The following CBLB variants were observed in gnomAD, a reference collection of about 807,000 sequenced individuals.
The protein encoded by CBLB is Cbl proto-oncogene B, also known as E3 ubiquitin-protein ligase CBL-B.
A neutral mutation model predicts 104.9 loss-of-function variants in CBLB; 31 were observed. That is an observed-to-expected ratio of 0.30 (90% confidence interval 0.22 to 0.40). CBLB has a LOEUF of 0.40. Ranked by LOEUF, CBLB falls within the 10% of genes least tolerant of loss-of-function variation. CBLB has a pLI of 1.00. For missense variants in CBLB, 1,062 were observed against 1,214.6 expected (o/e 0.87, Z 1.87); for synonymous variants, 440 against 422.6 (o/e 1.04, Z -0.51).
Position 105,720,170 on chromosome 3 carries a change from T to C in CBLB, c.1284A>G (p.Pro428=), listed in dbSNP as rs1200807661. The change falls in exon 10 of 19, where the codon CCA becomes CCG. Residue 428 remains proline, a synonymous_variant. Transcript: ENST00000394030. ...TEPIIVDPFD[P]RDEGSRCCSI... ...TGCAACACCTGGAGCCTTCATCTCTTGGATCAAAGGGGTCCACGATTATGG... is the reference window on the plus strand; with the variant it reads ...TGCAACACCTGGAGCCTTCATCTCTCGGATCAAAGGGGTCCACGATTATGG... The C allele has an allele frequency of 6.2e-7, 1 of 1,613,876 alleles. No individual in the cohort carries two copies. Among genetic ancestry groups the C allele is most frequent in the East Asian group, 2.2e-5 (1 of 44,896 alleles).
chr3:105,659,302 T>C lies in CBLB; in HGVS notation c.2690-73A>G. On this transcript the variant is annotated intron_variant, in intron 18 of 18. Transcript: ENST00000394030. ...ATGAAGGCAAGATAACATAACAGCATTATCTCATTTCCTATGGAAATATTA... is the reference window on the plus strand; with the variant it reads ...ATGAAGGCAAGATAACATAACAGCACTATCTCATTTCCTATGGAAATATTA... 4 of 1,349,888 alleles carry C rather than the reference T, an allele frequency of 3.0e-6. No individual in the cohort carries two copies. The Admixed American group carries it at 6.8e-5, about 23-fold the overall frequency. The allele number at this position is 1,349,888 out of a possible 1,614,324, so 83.6% of individuals were successfully genotyped here.
intron 3 of CBLB, among the ~76,000 whole-genome samples, chr3:105,843,176 T>A (rs1258434957): frequency 2.6e-5 from 4 of 152,246 alleles, no homozygotes; most frequent in Admixed American, 6.5e-5. Flanking sequence ...TACAGTTTGC[T>A]GACCCATGGT....
intron 6 of CBLB, among the ~76,000 whole-genome samples, chr3:105,743,256 G>C (rs1205089675): frequency 1.3e-5 from 2 of 151,872 alleles, no homozygotes; most frequent in Non-Finnish European, 2.9e-5. Flanking sequence ...CCAGGAGTTC[G>C]AGGCCACCAT....
At chr3:105,792,326 A>G (rs998910741) in intron 3 of CBLB, among the ~76,000 whole-genome samples, 6 of 152,186 alleles carry the variant, frequency 3.9e-5, no homozygotes, top group East Asian at 1.9e-4. Flanking sequence ...CCCAAACCAC[A>G]TATCTATCAG....
chr3:105,757,336 T>C (rs1328047795), intron 4 of CBLB, among the ~76,000 whole-genome samples: 1 of 152,024 alleles, frequency 6.6e-6, no homozygotes, highest in South Asian at 2.1e-4. Flanking sequence ...TCCATAAACA[T>C]AAAGAGAGGA....
intron 4 of CBLB, among the ~76,000 whole-genome samples, chr3:105,768,566 T>C (rs528843078): frequency 1.3e-5 from 2 of 152,356 alleles, no homozygotes; most frequent in South Asian, 2.1e-4. Context: ...AAAGATTATA[T>C]TGAAAATGAG....
chr3:105,715,416 C>G (rs1466579669), intron 10 of CBLB, among the ~76,000 whole-genome samples: 2 of 152,152 alleles, frequency 1.3e-5, no homozygotes, highest in African/African-American at 4.8e-5. Flanking sequence ...CATTATTAAA[C>G]ACATTTAACT....
chr3:105,800,271 C>CATGG (rs2082690631), intron 3 of CBLB, among the ~76,000 whole-genome samples: 1 of 152,146 alleles, frequency 6.6e-6, no homozygotes. Context: ...GGGGAAGGGA[C>CATGG]ATGGCTATTA....
intron 7 of CBLB, among the ~76,000 whole-genome samples, chr3:105,737,519 A>G (rs1271355248): frequency 5.3e-5 from 8 of 152,124 alleles, no homozygotes. Context: ...TACCTTTAAT[A>G]TATGTCTCTT....
At chr3:105,789,775 T>G (rs1042562473) in intron 3 of CBLB, among the ~76,000 whole-genome samples, 2 of 152,180 alleles carry the variant, frequency 1.3e-5, no homozygotes, top group African/African-American at 2.4e-5. Context: ...TTGACATATG[T>G]CTAGATAAGA....
Position 105,763,523 on chromosome 3 carries a change from C to T in CBLB, c.567-11905G>A, listed in dbSNP as rs1047556866. On this transcript the variant is annotated intron_variant, in intron 4 of 18. Transcript: ENST00000394030. ...TAAATCTCACATTGGCTCTCATTTT[C>T]TCTCATCTGCTGCCACGTAAGAAGT... Among the ~76,000 whole-genome samples, 10 of 152,186 alleles carry T rather than the reference C, an allele frequency of 6.6e-5. No homozygotes were observed. In the South Asian group the frequency reaches 2.1e-3, roughly 31 times the overall value.
At chr3:105,681,695 T>C in intron 15 of CBLB, 29 bp downstream of exon 15, 1 of 1,596,974 alleles carries the variant, frequency 6.3e-7, no homozygotes, top group South Asian at 1.1e-5. Context: ...AAGATGTACA[T>C]CACAAAGGAA....
rs539568459 is a variant in CBLB, at chr3:105,713,616, G to A, written c.1407+6431C>T. Among the ~76,000 whole-genome samples the A allele has an allele frequency of 5.3e-5, 8 of 152,282 alleles. No homozygotes were observed. In the South Asian group the frequency reaches 1.7e-3, roughly 32 times the overall value. ...TAACAATGTCTTCAAGGTATCCTACGACATCACACAGCACTTGGATGATGC... is the reference window on the plus strand; with the variant it reads ...TAACAATGTCTTCAAGGTATCCTACAACATCACACAGCACTTGGATGATGC... On this transcript the variant is annotated intron_variant, in intron 10 of 18. Transcript: ENST00000394030.
chr3:105,719,986 G>A (rs969897554), intron 10 of CBLB, 61 bp downstream of exon 10: 17 of 1,215,482 alleles, frequency 1.4e-5, no homozygotes, highest in South Asian at 4.9e-5. Flanking sequence ...CATTTATGAC[G>A]GCATCATTTC....
At chr3:105,699,407 A>C (rs907491973) in intron 12 of CBLB, among the ~76,000 whole-genome samples, 1 of 152,170 alleles carries the variant, frequency 6.6e-6, no homozygotes, top group Non-Finnish European at 1.5e-5. Flanking sequence ...TATTATTATT[A>C]TTCCATTTTA....
intron 17 of CBLB, among the ~76,000 whole-genome samples, chr3:105,677,722 A>C (rs1255170412): frequency 1.3e-5 from 2 of 151,018 alleles, no homozygotes; most frequent in Non-Finnish European, 3.0e-5. Context: ...TAGTTTATTA[A>C]GTCTTCATTT....
At chr3:105,738,799 A>G (rs1468483622) in intron 7 of CBLB, among the ~76,000 whole-genome samples, 1 of 152,232 alleles carries the variant, frequency 6.6e-6, no homozygotes, top group African/African-American at 2.4e-5. Context: ...AACCGACACT[A>G]GCAAATTTAT....
At chr3:105,743,495 G>A (rs1463336600) in intron 6 of CBLB, among the ~76,000 whole-genome samples, 1 of 150,566 alleles carries the variant, frequency 6.6e-6, no homozygotes, top group African/African-American at 2.4e-5. Flanking sequence ...ATATATATAT[G>A]CATATAAAAT....
intron 10 of CBLB, among the ~76,000 whole-genome samples, chr3:105,707,876 A>T (rs187560229): frequency 2.2e-4 from 34 of 152,278 alleles, no homozygotes; most frequent in Non-Finnish European, 4.1e-4. Flanking sequence ...AAAACAAAGT[A>T]CATCAATTCA....
Sources: gnomAD v4.1 joint callset for allele counts (sites outside exome capture counted in the v4.1 genomes callset) on GRCh38, gnomAD v4.1.1 for gene constraint, MANE v1.5 for transcripts, NCBI Gene and HGNC (gene_info 2026-07-23, HGNC 2026-07-21) for gene names.